The following SDK1 variants were observed in gnomAD, a reference collection of about 807,000 sequenced individuals.
SDK1 encodes sidekick cell adhesion molecule 1, also known as protein sidekick-1.
SDK1 carries 157 observed loss-of-function variants against 245.5 expected under a neutral mutation model. The observed-to-expected ratio is 0.64, with a 90% confidence interval of 0.56 to 0.73. The LOEUF (loss-of-function observed/expected upper bound fraction) is 0.73. Among genes scored for constraint, SDK1 ranks in the 30% least tolerant of loss-of-function variants. The probability of loss-of-function intolerance (pLI) is 0.00; values close to 1 mark genes in which losing one functional copy is unlikely to be tolerated. For synonymous variants in SDK1, 1,647 were observed against 1,278.5 expected, an observed-to-expected ratio of 1.29 and a Z score of -6.15; for missense variants, 3,583 against 3,002.3, an observed-to-expected ratio of 1.19 and a Z score of -4.52.
At chr7:3,600,974 A>G (rs557496234) in intron 1 of SDK1, among the ~76,000 whole-genome samples, 1 of 152,052 alleles carries the variant, frequency 6.6e-6, no homozygotes, top group Non-Finnish European at 1.5e-5. Context: ...GCCTCAATTG[A>G]TAGCTCACCT....
At chr7:3,945,883 A>T (rs1267864735) in intron 5 of SDK1, among the ~76,000 whole-genome samples, 1 of 130,592 alleles carries the variant, frequency 7.7e-6, no homozygotes, top group East Asian at 2.7e-4. Context: ...TGGGCAACAG[A>T]GCAAGACTCT....
intron 1 of SDK1, among the ~76,000 whole-genome samples, chr7:3,392,805 G>A (rs903932368): frequency 2.0e-5 from 3 of 151,790 alleles, no homozygotes; most frequent in East Asian, 3.9e-4. Context: ...TTCCTTTTTT[G>A]GCTGAATAAT....
intron 1 of SDK1, among the ~76,000 whole-genome samples, chr7:3,587,358 T>C (rs1780724435): frequency 6.6e-6 from 1 of 151,856 alleles, no homozygotes; most frequent in Non-Finnish European, 1.5e-5. Context: ...GGTGTTGGCT[T>C]ACGTGATTAT....
chr7:3,638,937 C>G (rs773134517), intron 2 of SDK1, 67 bp from the exon 3 acceptor site: 1 of 901,650 alleles, frequency 1.1e-6, no homozygotes, highest in Non-Finnish European at 1.7e-6. Context: ...AAAATAGCAT[C>G]TGATGGTTAG....
chr7:3,702,314 C>T (rs117994664), intron 4 of SDK1, among the ~76,000 whole-genome samples: 2,704 of 152,208 alleles, frequency 0.018, 30 homozygotes, highest in Middle Eastern at 0.048. Context: ...GGGCAAAAGA[C>T]GAGACATTTT....
chr7:4,042,006 G>T lies in SDK1; in HGVS notation c.2603-7342G>T, dbSNP rs1046261456. ...TTTTTGTGTTTTTAGTAGAGGTGGG[G>T]TTTCATCATGTTGGCCCGGATGGTC... On this transcript the variant is annotated intron_variant, in intron 17 of 44. Coordinates refer to ENST00000404826, the MANE Select transcript of SDK1 (RefSeq NM_152744.4). Among the ~76,000 whole-genome samples the T allele has an allele frequency of 4.4e-5, 6 of 135,416 alleles. 1 individual carries two copies. The highest frequency in any genetic ancestry group is 6.8e-5 in the African/African-American group (2 of 29,262). 88.8% of individuals were successfully genotyped at this position (135,416 alleles called of 152,430 possible).
intron 1 of SDK1, among the ~76,000 whole-genome samples, chr7:3,568,485 C>A (rs995301629): frequency 6.6e-6 from 1 of 151,940 alleles, no homozygotes; most frequent in Non-Finnish European, 1.5e-5. Flanking sequence ...CCTTTGAATC[C>A]CTAAAATGAT....
At chr7:3,978,245 C>G (rs1213785030) in intron 13 of SDK1, among the ~76,000 whole-genome samples, 1 of 152,162 alleles carries the variant, frequency 6.6e-6, no homozygotes, top group African/African-American at 2.4e-5. Flanking sequence ...AAGACTCTGT[C>G]AGCAGAAGCC....
At chr7:3,821,732 G>T in intron 5 of SDK1, 149 bp downstream of exon 5, 1 of 708,294 alleles carries the variant, frequency 1.4e-6, no homozygotes. Context: ...CAATAGTTCG[G>T]AGAGCTTTAG....
chr7:4,025,032 AC>A (rs1236291011), intron 17 of SDK1, among the ~76,000 whole-genome samples: 1 of 152,012 alleles, frequency 6.6e-6, no homozygotes, highest in South Asian at 2.1e-4. Context: ...ACACACACAC[AC>A]ACACACACAC....
chr7:3,539,384 G>A (rs922746753), intron 1 of SDK1, among the ~76,000 whole-genome samples: 13 of 152,198 alleles, frequency 8.5e-5, no homozygotes, highest in African/African-American at 3.1e-4. Flanking sequence ...TTATTAGCAA[G>A]TTTCCATGGG....
At chr7:3,871,325 G>C (rs930500769) in intron 5 of SDK1, among the ~76,000 whole-genome samples, 3 of 152,148 alleles carry the variant, frequency 2.0e-5, no homozygotes, top group African/African-American at 7.2e-5. Flanking sequence ...CACAGATTCT[G>C]TGGGAGTTTC....
rs1049303086 is a variant in SDK1, at chr7:4,202,792, C to T, written c.5099-3087C>T. On this transcript the variant is annotated intron_variant, in intron 35 of 44. Transcript: ENST00000404826. ...TTTTCTCCTGAGATTTGAGTCACAC[C>T]GGTGCCTGTCCAGCTGCCTCAACTT... Among the ~76,000 whole-genome samples, 6 of 152,160 alleles carry T rather than the reference C, an allele frequency of 3.9e-5. No individual in the cohort carries two copies. The East Asian group carries it at 7.7e-4, about 20-fold the overall frequency.
chr7:3,688,970 C>G (rs1437773108), intron 4 of SDK1, among the ~76,000 whole-genome samples: 1 of 152,170 alleles, frequency 6.6e-6, no homozygotes, highest in Non-Finnish European at 1.5e-5. Flanking sequence ...GACTACTGCC[C>G]AAGGGGCCAA....
intron 1 of SDK1, among the ~76,000 whole-genome samples, chr7:3,435,787 C>T (rs74610281): frequency 0.041 from 6,249 of 152,194 alleles, 388 homozygotes; most frequent in African/African-American, 0.14. Context: ...CTGCTCTGCT[C>T]GTATTCAGTC....
At position 3,566,452 on chromosome 7, in the gene SDK1, C is replaced by A. The variant is rs1456562572; in HGVS notation, c.299-52628C>A. ...GTGTTAGCCAGGATGGTCTCGATCT[C>A]CTGACCTCGTGATCTGCCTGCCTCG... On this transcript the variant is annotated intron_variant, in intron 1 of 44. Transcript: ENST00000404826. Among the ~76,000 whole-genome samples, 5 of 152,052 alleles carry A rather than the reference C, an allele frequency of 3.3e-5. 1 individual carries two copies. Among genetic ancestry groups the A allele is most frequent in the East Asian group, 3.9e-4 (2 of 5,160 alleles).
chr7:3,658,286 A>G (rs553490915), intron 4 of SDK1, among the ~76,000 whole-genome samples: 1 of 152,162 alleles, frequency 6.6e-6, no homozygotes, highest in East Asian at 1.9e-4. Flanking sequence ...GGTTCTGTCT[A>G]ATTCCTACAG....
chr7:3,799,360 A>C (rs370698461), intron 4 of SDK1, among the ~76,000 whole-genome samples: 1 of 151,476 alleles, frequency 6.6e-6, no homozygotes, highest in African/African-American at 2.4e-5. Context: ...GGCCCCTTCT[A>C]AGTTATTCAC....
At chr7:3,799,882 T>G (rs1245162253) in intron 4 of SDK1, among the ~76,000 whole-genome samples, 1 of 152,118 alleles carries the variant, frequency 6.6e-6, no homozygotes, top group Non-Finnish European at 1.5e-5. Context: ...ACTTAGTTCA[T>G]GGGGTTTTTT....
Sources: allele counts gnomAD v4.1 joint callset (sites outside exome capture counted in the v4.1 genomes callset), GRCh38; gene constraint gnomAD v4.1.1; transcripts MANE v1.5; gene names NCBI Gene and HGNC (gene_info 2026-07-23, HGNC 2026-07-21).